EDEM1: variants seen among roughly 807,000 people sequenced by gnomAD.
EDEM1 encodes the protein ER degradation-enhancing alpha-mannosidase-like protein 1.
Under a neutral mutation model 74.4 loss-of-function variants are expected in EDEM1, and 67 were observed. The ratio of observed to expected loss-of-function variants is 0.90; its 90% CI spans 0.74 to 1.10. The LOEUF is 1.10. Among genes scored for constraint, EDEM1 ranks in the 50% least tolerant of loss-of-function variants. The pLI, the probability that EDEM1 is intolerant of heterozygous loss-of-function variation, is 0.00. For missense variants in EDEM1, 926 were observed against 851.6 expected, an observed-to-expected ratio of 1.09 and a Z score of -1.09; for synonymous variants, 382 against 335.9, an observed-to-expected ratio of 1.14 and a Z score of -1.50.
At chr3:5,208,564 G>T (rs2055128105) in intron 8 of EDEM1, among the ~76,000 whole-genome samples, 1 of 152,068 alleles carries the variant, frequency 6.6e-6, no homozygotes. Context: ...TGGTACTAAG[G>T]TGTTTTCCAA....
In EDEM1 at chr3:5,203,071, G is replaced by T. The variant is rs140684807; in HGVS notation, c.964G>T (p.Asp322Tyr). 6.2e-7 allele frequency: 1 copy of T among 1,613,260 alleles called. No individual in the cohort carries two copies. Among genetic ancestry groups the T allele is most frequent in the Non-Finnish European group, 8.5e-7 (1 of 1,179,730 alleles). The change falls in exon 5 of 12, where the codon GAC (aspartate) becomes TAC (tyrosine). Residue 322 changes from aspartate to tyrosine, a missense_variant. Physicochemically the swap from Asp to Tyr is radical, Grantham distance 160. Coordinates refer to ENST00000256497, the MANE Select transcript of EDEM1 (RefSeq NM_014674.3). ...TGGGATTCTGAGTCGACTCCTGGGG[G>T]ACTCCACATTTGAGTGGGTGGCCAG... ...EFGILSRLLGDSTFEWVARRA... is the reference protein window; with the variant it reads ...EFGILSRLLGYSTFEWVARRA...
chr3:5,209,599 G>C (rs923122722), intron 8 of EDEM1, among the ~76,000 whole-genome samples: 4 of 152,170 alleles, frequency 2.6e-5, no homozygotes. Flanking sequence ...TTGGATAAAG[G>C]CTTATCTTCC....
intron 2 of EDEM1, among the ~76,000 whole-genome samples, chr3:5,197,697 T>C (rs905302940): frequency 6.6e-6 from 1 of 152,258 alleles, no homozygotes; most frequent in Admixed American, 6.5e-5. Context: ...TTTGCTAACA[T>C]TTAAACAGGC....
At chr3:5,213,970 T>C (rs2055199911) in intron 11 of EDEM1, among the ~76,000 whole-genome samples, 1 of 152,122 alleles carries the variant, frequency 6.6e-6, no homozygotes, top group Non-Finnish European at 1.5e-5. Context: ...TCAGTGGACC[T>C]GGAGGGGCAA....
chr3:5,189,721 C>T (rs1382247997), intron 1 of EDEM1: 1 of 152,330 alleles, frequency 6.6e-6, no homozygotes, highest in Non-Finnish European at 1.5e-5. Flanking sequence ...CTGCCTCAGC[C>T]TCCCGAGTAG....
rs968942904 is a variant in EDEM1, at chr3:5,219,317, C to T, written c.*3399C>T. The T allele has an allele frequency of 1.3e-5, 2 of 152,122 alleles. No homozygotes were observed. The highest frequency in any genetic ancestry group is 2.9e-5 in the Non-Finnish European group (2 of 68,020). 9.4% of individuals were successfully genotyped at this position (152,122 alleles called of 1,614,324 possible). A position where few individuals can be genotyped will look rare whatever the true frequency, so the allele number is the denominator to read the frequency against. ...ATGTAGTGCTGGTGAAAAGGTAGGG[C>T]TGAGTGATTACCTTAGCCACAGGGT... On this transcript the variant is annotated 3_prime_UTR_variant, in exon 12 of 12. Transcript: ENST00000256497.
intron 8 of EDEM1, among the ~76,000 whole-genome samples, chr3:5,209,418 T>C (rs2055139957): frequency 6.6e-6 from 1 of 152,192 alleles, no homozygotes; most frequent in African/African-American, 2.4e-5. Flanking sequence ...ACTGCTTCTT[T>C]CATGTTTTCC....
In EDEM1 at chr3:5,216,788, C is replaced by G. The variant is rs2055242608; in HGVS notation, c.*870C>G. The G allele has an allele frequency of 6.6e-6, 1 of 152,584 alleles. No individual in the cohort carries two copies. Among genetic ancestry groups the G allele is most frequent in the Non-Finnish European group, 1.5e-5 (1 of 68,036 alleles). 9.5% of individuals were successfully genotyped at this position (152,584 alleles called of 1,614,324 possible). On this transcript the variant is annotated 3_prime_UTR_variant, in exon 12 of 12. Transcript: ENST00000256497. ...GAATATGAACTTACCTGAGGAACTC[C>G]CATAGTTCCAGAATCAGGTGCCTTT...
Position 5,215,892 on chromosome 3 carries a change from A to G in EDEM1, c.1948A>G (p.Ile650Val), listed in dbSNP as rs577379059. ...LPLKSIYMRQ[I>V]DQMVGLI ...CTTAAAGAGCATCTACATGCGACAG[A>G]TTGACCAGATGGTTGGTTTGATTTG... The change falls in exon 12 of 12, where the codon ATT becomes GTT. Residue 650 changes from isoleucine to valine, a missense_variant. Coordinates refer to ENST00000256497, the MANE Select transcript of EDEM1 (RefSeq NM_014674.3). 1.2e-6 allele frequency: 2 copies of G among 1,612,970 alleles called. No homozygotes were observed. The highest frequency in any genetic ancestry group is 8.5e-7 in the Non-Finnish European group (1 of 1,179,570).
chr3:5,211,477 A>G, intron 10 of EDEM1: 3 of 412,252 alleles, frequency 7.3e-6, no homozygotes, highest in Admixed American at 3.5e-5. Context: ...AACGATTGAT[A>G]CAGAACCAGT....
chr3:5,213,616 G>A (rs765621927), intron 11 of EDEM1, 94 bp downstream of exon 11: 16 of 1,226,368 alleles, frequency 1.3e-5, no homozygotes, highest in Non-Finnish European at 1.6e-5. Context: ...GAAAATTGAT[G>A]GTGTATGCAG....
chr3:5,196,913 G>T (rs183706987), intron 2 of EDEM1, among the ~76,000 whole-genome samples: 12 of 150,370 alleles, frequency 8.0e-5, no homozygotes, highest in Admixed American at 7.3e-4. Context: ...CATCGTCGTC[G>T]TCTTTTCTTT....
chr3:5,203,103 A>T lies in EDEM1; in HGVS notation c.996A>T (p.Ala332=). 4 of 1,609,116 alleles carry T rather than the reference A, an allele frequency of 2.5e-6. No homozygotes were observed. In the South Asian group the frequency reaches 4.4e-5, roughly 18 times the overall value. ...CATTTGAGTGGGTGGCCAGACGAGC[A>T]GTGAAAGCCCTTTGGAACCTCCGGA... ...DSTFEWVARR[A]VKALWNLRSN... The change falls in exon 5 of 12, where the codon GCA becomes GCT. Residue 332 remains alanine, a synonymous_variant. Coordinates refer to ENST00000256497, the MANE Select transcript of EDEM1 (RefSeq NM_014674.3).
chr3:5,196,318 A>G (rs1198385361), intron 2 of EDEM1, among the ~76,000 whole-genome samples: 1 of 152,140 alleles, frequency 6.6e-6, no homozygotes, highest in Non-Finnish European at 1.5e-5. Context: ...TTAGCTGGGC[A>G]TGGTGGCGGG....
rs1415661938 is a variant in EDEM1, at chr3:5,215,856, T to C, written c.1912T>C (p.Tyr638His). 1 of 1,612,908 alleles carries C rather than the reference T, an allele frequency of 6.2e-7. No homozygotes were observed. The highest frequency in any genetic ancestry group is 1.1e-5 in the South Asian group (1 of 90,736). Residue 638 changes from tyrosine (Y) to histidine (H), a missense_variant, in exon 12 of 12, where the codon TAC (tyrosine) becomes CAC (histidine). Transcript: ENST00000256497. ...CAATCGTGTACCTGATGAGAGGAGG[T>C]ACTCCCTGCCCTTAAAGAGCATCTA... is the stretch of plus-strand genomic sequence containing the variant. ...NCNRVPDERR[Y>H]SLPLKSIYMR...
Position 5,211,273 on chromosome 3 carries a change from C to T in EDEM1, c.1680+57C>T, listed in dbSNP as rs765982270. The stretch of plus-strand genomic sequence containing the variant: ...TTTAGTATTGCTTAGAGCAAGCATT[C>T]GCATAGTCTTCCATCTGACAGGTAC... On this transcript the variant is annotated intron_variant, in intron 10 of 11. Transcript: ENST00000256497. The T allele has an allele frequency of 7.2e-5, 109 of 1,517,364 alleles. No homozygotes were observed. The Admixed American group carries it at 1.2e-3, about 16-fold the overall frequency. 94.0% of individuals were successfully genotyped at this position (1,517,364 alleles called of 1,614,324 possible). A position where few individuals can be genotyped will look rare whatever the true frequency, so the allele number is the denominator to read the frequency against.
intron 1 of EDEM1, among the ~76,000 whole-genome samples, chr3:5,194,710 A>AC (rs1559293942): frequency 6.6e-6 from 1 of 152,164 alleles, no homozygotes; most frequent in Non-Finnish European, 1.5e-5. Context: ...GTTAATTTAT[A>AC]CCCCCAACCA....
rs1358635756 is a variant in EDEM1, at chr3:5,215,855, G to A, written c.1911G>A (p.Arg637=). ...SNCNRVPDER[R]YSLPLKSIYM... is the part of the protein sequence containing the mutation. Reference sequence around the variant, plus strand: ...GCAATCGTGTACCTGATGAGAGGAGGTACTCCCTGCCCTTAAAGAGCATCT... The same window carrying A: ...GCAATCGTGTACCTGATGAGAGGAGATACTCCCTGCCCTTAAAGAGCATCT... The change falls in exon 12 of 12, where the codon AGG becomes AGA. Residue 637 remains arginine, a synonymous_variant. Transcript: ENST00000256497. The A allele has an allele frequency of 5.6e-6, 9 of 1,612,386 alleles. No homozygotes were observed. The highest frequency in any genetic ancestry group is 7.6e-6 in the Non-Finnish European group (9 of 1,179,416).
chr3:5,206,846 T>C (rs568310301), intron 6 of EDEM1, among the ~76,000 whole-genome samples: 1 of 152,334 alleles, frequency 6.6e-6, no homozygotes, highest in South Asian at 2.1e-4. Context: ...CCATACTATA[T>C]ACTGAATTCT....
Sources: allele counts gnomAD v4.1 joint callset (sites outside exome capture counted in the v4.1 genomes callset), GRCh38; gene constraint gnomAD v4.1.1; transcripts MANE v1.5; gene names NCBI Gene and HGNC (gene_info 2026-07-23, HGNC 2026-07-21).